The following FBXL7 variants were observed in gnomAD, a reference collection of about 807,000 sequenced individuals.
The protein encoded by FBXL7 is F-box/LRR-repeat protein 7.
In FBXL7, 12 loss-of-function variants were observed where a neutral mutation model predicts 38.3. That is an observed-to-expected ratio of 0.31 (90% CI 0.20 to 0.51). The LOEUF (loss-of-function observed/expected upper bound fraction) is 0.51. FBXL7 is among the 20% of genes least tolerant of loss of function. The pLI is 0.98. For missense variants in FBXL7, 567 were observed against 676.4 expected, an observed-to-expected ratio of 0.84 and a Z score of 1.79; for synonymous variants, 297 against 300.9, an observed-to-expected ratio of 0.99 and a Z score of 0.13.
chr5:15,559,673 A>G (rs1738354072), intron 1 of FBXL7, among the ~76,000 whole-genome samples: 1 of 152,198 alleles, frequency 6.6e-6, no homozygotes, highest in Non-Finnish European at 1.5e-5. Flanking sequence ...ATATTTGATA[A>G]AGCAAAACAT....
intron 1 of FBXL7, among the ~76,000 whole-genome samples, chr5:15,572,715 C>G (rs990397749): frequency 6.6e-6 from 1 of 152,094 alleles, no homozygotes; most frequent in Non-Finnish European, 1.5e-5. Context: ...AACATTGACT[C>G]AGAAAGCAGG....
At chr5:15,520,504 G>A (rs369782209) in intron 1 of FBXL7, among the ~76,000 whole-genome samples, 5 of 152,254 alleles carry the variant, frequency 3.3e-5, no homozygotes, top group Admixed American at 1.3e-4. Flanking sequence ...ATATGTATAC[G>A]TGCACTATTT....
intron 2 of FBXL7, among the ~76,000 whole-genome samples, chr5:15,892,682 C>CCTCAG (rs1208174155): frequency 6.6e-6 from 1 of 152,148 alleles, no homozygotes; most frequent in Non-Finnish European, 1.5e-5. Context: ...TCAGACAGTT[C>CCTCAG]CTCAGCTCAA....
intron 2 of FBXL7, among the ~76,000 whole-genome samples, chr5:15,691,576 C>T (rs895116590): frequency 3.5e-4 from 54 of 152,156 alleles, no homozygotes; most frequent in African/African-American, 1.1e-3. Flanking sequence ...GCTCAGTGTA[C>T]TTCTGGGGCT....
chr5:15,667,067 A>G (rs2126592039), intron 2 of FBXL7, among the ~76,000 whole-genome samples: 1 of 152,332 alleles, frequency 6.6e-6, no homozygotes, highest in South Asian at 2.1e-4. Context: ...GAAATAAAAG[A>G]GAAACTTTAT....
chr5:15,720,379 T>C (rs1744161183), intron 2 of FBXL7, among the ~76,000 whole-genome samples: 1 of 148,570 alleles, frequency 6.7e-6, no homozygotes, highest in Non-Finnish European at 1.5e-5. Flanking sequence ...AACTTTCAGC[T>C]TTCATTATAT....
rs1741405848 is a variant in FBXL7 at position 15,909,539 on chromosome 5, T to A, written c.128-18351T>A. ...TCTATTTCCTTCAGTTCTGCTCTGA[T>A]TTTAGTTATTTCTTGCCTTCTGCTA... On this transcript the variant is annotated intron_variant, in intron 2 of 3. Transcript: ENST00000504595. 1.3e-4 allele frequency among the ~76,000 whole-genome samples: 5 copies of A among 38,580 alleles called. 2 individuals are homozygous for A. The South Asian group carries it at 3.2e-3, about 25-fold the overall frequency. 25.3% of individuals were successfully genotyped at this position (38,580 alleles called of 152,430 possible).
rs1421032818 is a variant in FBXL7 at position 15,770,788 on chromosome 5, T to C, written c.127+154716T>C. Reference sequence around the variant, plus strand: ...TCACTTCCCCACCATCATACAGGAATGAGTGGGTCTGGTGTTGGAATCTAA... The same window carrying C: ...TCACTTCCCCACCATCATACAGGAACGAGTGGGTCTGGTGTTGGAATCTAA... On this transcript the variant is annotated intron_variant, in intron 2 of 3. Transcript: ENST00000504595. Among the ~76,000 whole-genome samples the C allele has an allele frequency of 4.6e-5, 7 of 152,292 alleles. No homozygotes were observed. In the East Asian group the frequency reaches 1.2e-3, roughly 25 times the overall value.
intron 2 of FBXL7, among the ~76,000 whole-genome samples, chr5:15,678,709 C>T (rs1742739626): frequency 6.6e-6 from 1 of 152,128 alleles, no homozygotes; most frequent in Admixed American, 6.5e-5. Context: ...CTCATGAGAT[C>T]TGATGTTTTT....
chr5:15,770,347 TA>T (rs1314104681), intron 2 of FBXL7, among the ~76,000 whole-genome samples: 1 of 152,158 alleles, frequency 6.6e-6, no homozygotes, highest in Non-Finnish European at 1.5e-5. Flanking sequence ...GCCAAGAAGA[TA>T]AAGTGAGAGG....
At chr5:15,597,610 G>A (rs1259735835) in intron 1 of FBXL7, among the ~76,000 whole-genome samples, 2 of 151,958 alleles carry the variant, frequency 1.3e-5, no homozygotes, top group Non-Finnish European at 2.9e-5. Flanking sequence ...GTGTGAAGAA[G>A]GCCTAGAGCA....
At chr5:15,884,358 C>G (rs994683854) in intron 2 of FBXL7, among the ~76,000 whole-genome samples, 1 of 151,976 alleles carries the variant, frequency 6.6e-6, no homozygotes, top group African/African-American at 2.4e-5. Context: ...GCTCCACCTC[C>G]CGGGTTCACA....
At chr5:15,881,916 A>C (rs936069767) in intron 2 of FBXL7, among the ~76,000 whole-genome samples, 2 of 152,120 alleles carry the variant, frequency 1.3e-5, no homozygotes, top group East Asian at 3.9e-4. Flanking sequence ...GCTATATAGG[A>C]AGCATAATGC....
intron 2 of FBXL7, among the ~76,000 whole-genome samples, chr5:15,632,034 G>A (rs772088213): frequency 5.9e-5 from 9 of 152,192 alleles, no homozygotes; most frequent in Non-Finnish European, 1.2e-4. Flanking sequence ...CTACTTGCAT[G>A]CATGCTCTAG....
chr5:15,809,919 G>A (rs1206675438), intron 2 of FBXL7, among the ~76,000 whole-genome samples: 1 of 152,162 alleles, frequency 6.6e-6, no homozygotes, highest in Non-Finnish European at 1.5e-5. Context: ...TCCCTAATGT[G>A]TAAATGGCAG....
chr5:15,895,936 C>T (rs1238441474), intron 2 of FBXL7, among the ~76,000 whole-genome samples: 7 of 151,740 alleles, frequency 4.6e-5, no homozygotes, highest in Non-Finnish European at 1.0e-4. Flanking sequence ...GAGCCACCGG[C>T]CCGGCCCCTT....
intron 2 of FBXL7, among the ~76,000 whole-genome samples, chr5:15,881,914 G>A (rs1173361306): frequency 2.6e-5 from 4 of 152,270 alleles, no homozygotes; most frequent in Non-Finnish European, 5.9e-5. Context: ...AGGCTATATA[G>A]GAAGCATAAT....
At chr5:15,599,352 T>A (rs922597081) in intron 1 of FBXL7, among the ~76,000 whole-genome samples, 6 of 152,204 alleles carry the variant, frequency 3.9e-5, no homozygotes, top group African/African-American at 1.2e-4. Context: ...TATGTGTGTG[T>A]GTTTGTATGT....
intron 2 of FBXL7, among the ~76,000 whole-genome samples, chr5:15,766,981 T>C (rs1428933849): frequency 6.6e-6 from 1 of 151,670 alleles, no homozygotes; most frequent in Non-Finnish European, 1.5e-5. Context: ...TGTAATTTTC[T>C]TTTTTTTTCT....
Sources: allele counts gnomAD v4.1 joint callset (sites outside exome capture counted in the v4.1 genomes callset), GRCh38; gene constraint gnomAD v4.1.1; transcripts MANE v1.5; gene names NCBI Gene and HGNC (gene_info 2026-07-23, HGNC 2026-07-21).